Variants in ANKS1B observed in about 807,000 individuals in gnomAD.
ANKS1B encodes ankyrin repeat and sterile alpha motif domain-containing protein 1B.
ANKS1B carries 36 observed loss-of-function variants against 148.3 expected under a neutral mutation model. The ratio of observed to expected loss-of-function variants is 0.24; its 90% CI spans 0.19 to 0.32. ANKS1B has a LOEUF of 0.32. Among genes scored for constraint, ANKS1B ranks in the 10% least tolerant of loss-of-function variants. The pLI, the probability that ANKS1B is intolerant of heterozygous loss-of-function variation, is 1.00. For synonymous variants in ANKS1B, 542 were observed against 560.8 expected (o/e 0.97, Z 0.47); for missense variants, 1,157 against 1,542.6 (o/e 0.75, Z 4.19).
chr12:99,722,899 G>C (rs939719296), intron 8 of ANKS1B, among the ~76,000 whole-genome samples: 5 of 151,740 alleles, frequency 3.3e-5, no homozygotes, highest in Non-Finnish European at 7.4e-5. Flanking sequence ...AGTGGTGCAG[G>C]GGGCCCACCT....
chr12:98,890,818 C>T (rs989918949), intron 17 of ANKS1B, among the ~76,000 whole-genome samples: 1 of 152,240 alleles, frequency 6.6e-6, no homozygotes, highest in East Asian at 1.9e-4. Context: ...AACCTAGCCC[C>T]GTCCCATGTT....
chr12:99,439,397 C>T (rs2095512692), intron 11 of ANKS1B, among the ~76,000 whole-genome samples: 1 of 151,612 alleles, frequency 6.6e-6, no homozygotes. Context: ...AGAGTGCATA[C>T]ACCTGAGAAA....
intron 11 of ANKS1B, among the ~76,000 whole-genome samples, chr12:99,430,232 G>C (rs1444970657): frequency 2.6e-5 from 4 of 152,094 alleles, no homozygotes; most frequent in African/African-American, 9.7e-5. Flanking sequence ...AGCCATGATG[G>C]GAGCTATTTC....
At chr12:99,447,360 C>T (rs962862754) in intron 10 of ANKS1B, among the ~76,000 whole-genome samples, 6 of 151,982 alleles carry the variant, frequency 3.9e-5, no homozygotes, top group Admixed American at 6.6e-5. Flanking sequence ...TCTGTACTTC[C>T]AGCTACTTGA....
At chr12:99,944,253 G>A (rs1489774566) in intron 1 of ANKS1B, among the ~76,000 whole-genome samples, 5 of 152,154 alleles carry the variant, frequency 3.3e-5, no homozygotes, top group African/African-American at 7.2e-5. Context: ...TAGGCCCAGC[G>A]AATATCCTTT....
At chr12:99,658,217 C>A (rs1019871992) in intron 8 of ANKS1B, among the ~76,000 whole-genome samples, 6 of 152,120 alleles carry the variant, frequency 3.9e-5, no homozygotes, top group Non-Finnish European at 8.8e-5. Context: ...AAATACCCGC[C>A]TCACTAGCCG....
intron 1 of ANKS1B, among the ~76,000 whole-genome samples, chr12:99,910,699 T>G (rs1184942846): frequency 6.6e-6 from 1 of 151,120 alleles, no homozygotes; most frequent in Non-Finnish European, 1.5e-5. Context: ...AGGTGAACAT[T>G]ATGAGAATTA....
At chr12:99,188,858 A>C (rs1566588897) in intron 14 of ANKS1B, among the ~76,000 whole-genome samples, 1 of 152,222 alleles carries the variant, frequency 6.6e-6, no homozygotes, top group Non-Finnish European at 1.5e-5. Context: ...AGCAGAACTG[A>C]AGGAGACAGA....
At position 99,327,423 on chromosome 12, in the gene ANKS1B, A is replaced by G. The variant is rs1009945457; in HGVS notation, c.1756+72208T>C. Among the ~76,000 whole-genome samples the G allele has an allele frequency of 8.2e-5, 11 of 134,702 alleles. No homozygotes were observed. In the East Asian group the frequency reaches 2.3e-3, roughly 28 times the overall value. The allele number at this position is 134,702 out of a possible 152,430, so 88.4% of individuals were successfully genotyped here. A position where few individuals can be genotyped will look rare whatever the true frequency, so the allele number is the denominator to read the frequency against. ...CATATTATATATAATTATATATTAT[A>G]TTGTCTATAAATTATATATTATATA... On this transcript the variant is annotated intron_variant, in intron 12 of 26. Coordinates refer to ENST00000683438, the MANE Select transcript of ANKS1B (RefSeq NM_001352186.2).
chr12:98,938,497 A>G (rs1011753474), intron 17 of ANKS1B, among the ~76,000 whole-genome samples: 2 of 152,200 alleles, frequency 1.3e-5, no homozygotes, highest in African/African-American at 4.8e-5. Context: ...ATGTGCAGGC[A>G]GGGCTGAGAA....
chr12:99,746,162 T>C (rs1392443035), intron 8 of ANKS1B, among the ~76,000 whole-genome samples: 1 of 152,162 alleles, frequency 6.6e-6, no homozygotes, highest in African/African-American at 2.4e-5. Context: ...ATGATATCAA[T>C]GAACAAATGA....
intron 1 of ANKS1B, among the ~76,000 whole-genome samples, chr12:99,931,151 C>G (rs1487251133): frequency 1.3e-5 from 2 of 151,520 alleles, no homozygotes; most frequent in South Asian, 4.2e-4. Flanking sequence ...TGAGAACACA[C>G]GGACACAGGA....
At chr12:99,190,241 A>G (rs2080470480) in intron 14 of ANKS1B, among the ~76,000 whole-genome samples, 1 of 152,212 alleles carries the variant, frequency 6.6e-6, no homozygotes, top group South Asian at 2.1e-4. Context: ...GGAAGAATCA[A>G]TATAGTGAAA....
Position 99,246,766 on chromosome 12 carries a change from G to A in ANKS1B, c.1855C>T (p.Pro619Ser). ...LHGSSPACESPENPFHLYGKR... is the reference protein window; with the variant it reads ...LHGSSPACESSENPFHLYGKR... Reference sequence around the variant, plus strand: ...CCATAGAGATGAAATGGATTTTCAGGGGACTCACAGGCTGGAGAGGATCCA... The same window carrying A: ...CCATAGAGATGAAATGGATTTTCAGAGGACTCACAGGCTGGAGAGGATCCA... The change falls in exon 13 of 27, where the codon CCT becomes TCT. Residue 619 changes from proline to serine, a missense_variant. By Grantham distance (74) the Pro-to-Ser change is moderately conservative. This residue lies in a region of ANKS1B where 661 missense variants were observed against 642.1 expected (regional missense o/e 1.03). Transcript: ENST00000683438. 3 of 1,613,784 alleles carry A rather than the reference G, an allele frequency of 1.9e-6. No individual in the cohort carries two copies. Among genetic ancestry groups the A allele is most frequent in the Non-Finnish European group, 2.5e-6 (3 of 1,179,856 alleles).
At chr12:98,864,675 A>C (rs763595073) in intron 17 of ANKS1B, among the ~76,000 whole-genome samples, 70 of 152,292 alleles carry the variant, frequency 4.6e-4, no homozygotes, top group Non-Finnish European at 7.9e-4. Flanking sequence ...AATTCCTTAA[A>C]ACATACCTTT....
chr12:98,777,140 C>A (rs2098687247), intron 24 of ANKS1B, among the ~76,000 whole-genome samples: 3 of 152,114 alleles, frequency 2.0e-5, no homozygotes, highest in Non-Finnish European at 4.4e-5. Context: ...TTACAGTGAG[C>A]CGTGGTGGCG....
Position 99,404,193 on chromosome 12 carries a change from G to A in ANKS1B, c.1576-4382C>T, listed in dbSNP as rs2094479114. On this transcript the variant is annotated intron_variant, in intron 11 of 26. Transcript: ENST00000683438. ...ATTGGAGAGTGGAGGGTAGGAGGAAGGAGAGCATCAGGAAAAATAACTAAT... is the reference window on the plus strand; with the variant it reads ...ATTGGAGAGTGGAGGGTAGGAGGAAAGAGAGCATCAGGAAAAATAACTAAT... 1.4e-5 allele frequency among the ~76,000 whole-genome samples: 2 copies of A among 145,978 alleles called. 1 individual carries two copies. Among genetic ancestry groups the A allele is most frequent in the South Asian group, 4.2e-4 (2 of 4,746 alleles).
At chr12:99,390,945 G>A (rs1296218679) in intron 12 of ANKS1B, among the ~76,000 whole-genome samples, 3 of 152,198 alleles carry the variant, frequency 2.0e-5, no homozygotes, top group Non-Finnish European at 4.4e-5. Flanking sequence ...GGCGAGCTGA[G>A]GTGACCAGCC....
At chr12:99,655,938 T>C (rs922505139) in intron 8 of ANKS1B, among the ~76,000 whole-genome samples, 6 of 152,012 alleles carry the variant, frequency 3.9e-5, no homozygotes, top group Non-Finnish European at 7.4e-5. Context: ...GTGGAAAGAA[T>C]TGGAGGGACT....
Sources: allele counts gnomAD v4.1 joint callset (sites outside exome capture counted in the v4.1 genomes callset), GRCh38; gene constraint gnomAD v4.1.1; regional missense constraint gnomAD v4.1.1; transcripts MANE v1.5; gene names NCBI Gene and HGNC (gene_info 2026-07-23, HGNC 2026-07-21).